GRM7: variants seen among roughly 807,000 people sequenced by gnomAD.
GRM7 encodes the protein glutamate metabotropic receptor 7.
GRM7 carries 35 observed loss-of-function variants against 84.5 expected under a neutral mutation model. The observed-to-expected ratio is 0.41, with a 90% CI of 0.32 to 0.55. GRM7 has a LOEUF of 0.55. Ranked by LOEUF, GRM7 falls within the 20% of genes least tolerant of loss-of-function variation. The probability of loss-of-function intolerance (pLI) is 0.19; values close to 1 mark genes in which losing one functional copy is unlikely to be tolerated. For missense variants in GRM7, 1,003 were observed against 1,194.6 expected (o/e 0.84, Z 2.36); for synonymous variants, 487 against 455.1 (o/e 1.07, Z -0.89).
chr3:7,169,816 G>A (rs1293590366), intron 2 of GRM7, among the ~76,000 whole-genome samples: 1 of 151,922 alleles, frequency 6.6e-6, no homozygotes, highest in Non-Finnish European at 1.5e-5. Context: ...CCTGAGCTGA[G>A]CATTGAAGAT....
At chr3:7,431,234 A>C (rs113580997) in intron 5 of GRM7, among the ~76,000 whole-genome samples, 55 of 152,340 alleles carry the variant, frequency 3.6e-4, no homozygotes, top group Non-Finnish European at 6.2e-4. Context: ...TCATTTAAAA[A>C]AAGAATGGAT....
chr3:7,341,804 A>G (rs1028746709), intron 4 of GRM7, among the ~76,000 whole-genome samples: 9 of 152,274 alleles, frequency 5.9e-5, no homozygotes, highest in Middle Eastern at 6.8e-3. Context: ...CCTAAAACTT[A>G]GAAGAAGTTT....
At chr3:7,677,217 G>A (rs908773780) in intron 8 of GRM7, among the ~76,000 whole-genome samples, 15 of 134,570 alleles carry the variant, frequency 1.1e-4, no homozygotes, top group Admixed American at 3.3e-4. Context: ...AGCTGAGATC[G>A]CACCACTGCT....
intron 2 of GRM7, among the ~76,000 whole-genome samples, chr3:7,183,090 G>A (rs564454474): frequency 1.3e-5 from 2 of 152,034 alleles, no homozygotes; most frequent in Admixed American, 1.3e-4. Flanking sequence ...CGTTGCCCTC[G>A]TCTTGTTTCA....
chr3:7,325,033 T>G (rs1700932121), intron 4 of GRM7, among the ~76,000 whole-genome samples: 1 of 152,148 alleles, frequency 6.6e-6, no homozygotes, highest in African/African-American at 2.4e-5. Flanking sequence ...CCCAGTGGAT[T>G]TTTTCAGTCG....
At chr3:7,262,496 C>T (rs4476488) in intron 2 of GRM7, among the ~76,000 whole-genome samples, 117,968 of 151,970 alleles carry the variant, frequency 0.78, 46,951 homozygotes, top group East Asian at 0.97. Flanking sequence ...CTGTCAGTTT[C>T]GGTATCATTT....
At chr3:7,669,031 A>G (rs556816977) in intron 8 of GRM7, among the ~76,000 whole-genome samples, 1 of 152,384 alleles carries the variant, frequency 6.6e-6, no homozygotes, top group South Asian at 2.1e-4. Flanking sequence ...GTTGGAGATG[A>G]CACAGTTAGC....
chr3:7,078,712 G>A (rs1456210962), intron 1 of GRM7, among the ~76,000 whole-genome samples: 1 of 152,154 alleles, frequency 6.6e-6, no homozygotes, highest in Non-Finnish European at 1.5e-5. Flanking sequence ...TAGGGTCATT[G>A]CAAATTGTTT....
chr3:6,983,803 GTT>G (rs5846479), intron 1 of GRM7, among the ~76,000 whole-genome samples: 1 of 145,880 alleles, frequency 6.9e-6, no homozygotes, highest in South Asian at 2.2e-4. Flanking sequence ...CTTTTGTTTT[GTT>G]TTTTTTTTGT....
intron 1 of GRM7, among the ~76,000 whole-genome samples, chr3:6,973,164 G>A (rs955228067): frequency 2.0e-5 from 3 of 152,160 alleles, no homozygotes; most frequent in African/African-American, 7.2e-5. Flanking sequence ...AGTTTTAGAA[G>A]TGCTTTGAGA....
At chr3:7,649,026 A>G (rs993718837) in intron 8 of GRM7, among the ~76,000 whole-genome samples, 1 of 151,920 alleles carries the variant, frequency 6.6e-6, no homozygotes, top group Non-Finnish European at 1.5e-5. Flanking sequence ...GATAGTACCA[A>G]GTTCATGCCG....
chr3:6,926,955 A>G (rs1189354661), intron 1 of GRM7, among the ~76,000 whole-genome samples: 1 of 152,220 alleles, frequency 6.6e-6, no homozygotes. Flanking sequence ...ATAGACTTTT[A>G]GAACTACTTT....
At chr3:7,307,307 T>C (rs12495356) in intron 4 of GRM7, among the ~76,000 whole-genome samples, 71,930 of 152,086 alleles carry the variant, frequency 0.47, 18,714 homozygotes, top group Non-Finnish European at 0.6. Context: ...ATAAGTTATG[T>C]TATTCTTTAA....
intron 1 of GRM7, among the ~76,000 whole-genome samples, chr3:6,885,896 A>C (rs1695674699): frequency 6.6e-6 from 1 of 152,232 alleles, no homozygotes; most frequent in Non-Finnish European, 1.5e-5. Flanking sequence ...GTATTTTATA[A>C]TTATTAACAT....
chr3:7,460,444 C>T (rs1305185308), intron 6 of GRM7, among the ~76,000 whole-genome samples: 1 of 151,872 alleles, frequency 6.6e-6, no homozygotes, highest in Non-Finnish European at 1.5e-5. Flanking sequence ...GGAGAGGGTA[C>T]TGATATTCTC....
rs150044721 is a variant in GRM7, at chr3:7,106,469, GA to G, written c.520-39974del. On this transcript the variant is annotated intron_variant, in intron 1 of 9. Transcript: ENST00000357716. ...ATTGCTATCTTGGGCAGCCAAAAAGGAAAAAAAAATCAAATGTGAATGATAA... is the reference window on the plus strand; with the variant it reads ...ATTGCTATCTTGGGCAGCCAAAAAGGAAAAAAAATCAAATGTGAATGATAA... 5.4e-5 allele frequency among the ~76,000 whole-genome samples: 8 copies of G among 148,836 alleles called. No homozygotes were observed. In the South Asian group the frequency reaches 6.4e-4, roughly 12 times the overall value.
chr3:7,429,099 A>T (rs979166414), intron 5 of GRM7, among the ~76,000 whole-genome samples: 3 of 152,192 alleles, frequency 2.0e-5, no homozygotes, highest in African/African-American at 7.2e-5. Flanking sequence ...TTCCTGCCTC[A>T]TTAGCTATGA....
At chr3:7,371,916 A>G (rs910471431) in intron 4 of GRM7, among the ~76,000 whole-genome samples, 1 of 152,160 alleles carries the variant, frequency 6.6e-6, no homozygotes, top group Non-Finnish European at 1.5e-5. Flanking sequence ...AGTGTTCCGG[A>G]ACAGGGGACC....
intron 1 of GRM7, among the ~76,000 whole-genome samples, chr3:6,883,935 A>G (rs1296880168): frequency 6.6e-6 from 1 of 152,240 alleles, no homozygotes; most frequent in Non-Finnish European, 1.5e-5. Flanking sequence ...GGCAGAGATC[A>G]TCAGCACAAG....
Sources: gnomAD v4.1 joint callset for allele counts (sites outside exome capture counted in the v4.1 genomes callset) on GRCh38, gnomAD v4.1.1 for gene constraint, MANE v1.5 for transcripts, NCBI Gene and HGNC (gene_info 2026-07-23, HGNC 2026-07-21) for gene names.